ATP2A1: variants seen among roughly 807,000 people sequenced by gnomAD.
ATP2A1 encodes the protein ATPase sarcoplasmic/endoplasmic reticulum Ca2+ transporting 1, also known as sarcoplasmic/endoplasmic reticulum calcium ATPase 1.
Under a neutral mutation model 109.5 loss-of-function variants are expected in ATP2A1, and 83 were observed. The ratio of observed to expected loss-of-function variants is 0.76; its 90% confidence interval spans 0.63 to 0.91. ATP2A1 has a LOEUF of 0.91. Ranked by LOEUF, ATP2A1 falls within the 40% of genes least tolerant of loss-of-function variation. The pLI, the probability that ATP2A1 is intolerant of heterozygous loss-of-function variation, is 0.00. For missense variants in ATP2A1, 1,101 were observed against 1,341.0 expected, an observed-to-expected ratio of 0.82 and a Z score of 2.80; for synonymous variants, 505 against 537.6, an observed-to-expected ratio of 0.94 and a Z score of 0.84.
chr16:28,902,791 A>G lies in ATP2A1; in HGVS notation c.2624A>G (p.Gln875Arg). The change falls in exon 19 of 23, where the codon CAG becomes CGG. Residue 875 changes from glutamine (Q) to arginine (R), a missense_variant. Physicochemically the swap from Gln to Arg is conservative, Grantham distance 43. Coordinates refer to ENST00000395503, the MANE Select transcript of ATP2A1 (RefSeq NM_004320.6). This position sits in a 1 kb window ranked among gnomAD's most constrained non-coding sequence, Gnocchi z 4.8. The part of the protein sequence containing the change: ...VNYSQLTHFM[Q>R]CTEDNTHFEG... ...CCTTCCCTGCAGACTCACTTCATGC[A>G]GTGCACCGAGGACAACACCCACTTT... 9.9e-6 allele frequency: 16 copies of G among 1,613,706 alleles called. No individual in the cohort carries two copies. Among genetic ancestry groups the G allele is most frequent in the Non-Finnish European group, 1.4e-5 (16 of 1,179,858 alleles).
rs147132478 is a variant in ATP2A1 at position 28,898,436 on chromosome 16, G to A, written c.1749G>A (p.Arg583=). The A allele has an allele frequency of 2.5e-6, 4 of 1,612,934 alleles. No individual in the cohort carries two copies. The highest frequency in any genetic ancestry group is 2.7e-5 in the African/African-American group (2 of 74,106). Residue 583 remains arginine (R), a synonymous_variant, in exon 14 of 23, where the codon AGG becomes AGA. Transcript: ENST00000395503. This position sits in a 1 kb window ranked among gnomAD's most constrained non-coding sequence, Gnocchi z 4.0. ...AAATGGTCCTGGATGACTCTGCCAG[G>A]TTCCTGGAGTATGAGGTAAGCAGCT... ...REEMVLDDSA[R]FLEYETDLTF...
chr16:28,887,093 A>G, intron 6 of ATP2A1, 96 bp from the exon 7 acceptor site: 1 of 1,317,474 alleles, frequency 7.6e-7, no homozygotes. Context: ...GGTCCTTACC[A>G]GGAGCTGTCC....
chr16:28,889,501 G>C (rs529406908), intron 9 of ATP2A1, among the ~76,000 whole-genome samples: 25 of 152,246 alleles, frequency 1.6e-4, no homozygotes, highest in African/African-American at 5.8e-4. Flanking sequence ...CAAGTGATGT[G>C]CCCCTGTTCG....
intron 10 of ATP2A1, 70 bp from the exon 11 acceptor site, chr16:28,894,435 C>A: frequency 6.8e-7 from 1 of 1,465,306 alleles, no homozygotes; most frequent in Non-Finnish European, 9.4e-7. Flanking sequence ...TCTTCCTGTG[C>A]CCTCTCTGCA....
At chr16:28,881,046 T>C in intron 4 of ATP2A1, 27 bp downstream of exon 4, 1 of 1,602,822 alleles carries the variant, frequency 6.2e-7, no homozygotes, top group South Asian at 1.1e-5. Context: ...CCTTACCCCT[T>C]CATGTCCCAA....
At chr16:28,889,777 C>T (rs377367217) in intron 9 of ATP2A1, among the ~76,000 whole-genome samples, 2 of 152,198 alleles carry the variant, frequency 1.3e-5, no homozygotes, top group African/African-American at 4.8e-5. Flanking sequence ...AAGCAGGGCT[C>T]TTAATCTTTT....
rs141394193 is a variant in ATP2A1, at chr16:28,900,752, G to C, written c.1936G>C (p.Glu646Gln). The change falls in exon 15 of 23, where the codon GAG becomes CAG. Residue 646 changes from glutamate (E) to glutamine (Q), a missense_variant. Glu to Gln is a conservative substitution (Grantham distance 29, BLOSUM62 2). Transcript: ENST00000395503. ...GCGAATTGGCATCTTTGGGGAGAAC[G>C]AGGAGGTGGCCGATCGCGCCTACAC... ...CRRIGIFGENEEVADRAYTGR... is the reference protein window; with the variant it reads ...CRRIGIFGENQEVADRAYTGR... 6.1e-5 allele frequency: 98 copies of C among 1,614,130 alleles called. No individual in the cohort carries two copies. The highest frequency in any genetic ancestry group is 7.8e-5 in the Non-Finnish European group (92 of 1,180,062).
Position 28,902,794 on chromosome 16 carries a change from G to A in ATP2A1, c.2627G>A (p.Cys876Tyr), listed in dbSNP as rs759275894. ...NYSQLTHFMQ[C>Y]TEDNTHFEGI... ...TCCCTGCAGACTCACTTCATGCAGT[G>A]CACCGAGGACAACACCCACTTTGAG... The change falls in exon 19 of 23, where the codon TGC becomes TAC. Residue 876 changes from cysteine (C) to tyrosine (Y), a missense_variant. By Grantham distance (194) the Cys-to-Tyr change is radical. Transcript: ENST00000395503. This position sits in a 1 kb window ranked among gnomAD's most constrained non-coding sequence, Gnocchi z 4.8. The A allele has an allele frequency of 6.2e-7, 1 of 1,613,688 alleles. No individual in the cohort carries two copies. Among genetic ancestry groups the A allele is most frequent in the Admixed American group, 1.7e-5 (1 of 59,972 alleles).
chr16:28,903,447 A>T lies in ATP2A1; in HGVS notation c.2980+7A>T, dbSNP rs1964150655. The T allele has an allele frequency of 6.2e-7, 1 of 1,605,868 alleles. No homozygotes were observed. Among genetic ancestry groups the T allele is most frequent in the South Asian group, 1.1e-5 (1 of 90,946 alleles). On this transcript the variant is annotated splice_region_variant and intron_variant, in intron 21 of 22. Coordinates refer to ENST00000395503, the MANE Select transcript of ATP2A1 (RefSeq NM_004320.6). This position sits in a 1 kb window ranked among gnomAD's most constrained non-coding sequence, Gnocchi z 5.6. ...GCTCGGAACTACCTAGAGGGTAAGGAGTGCCCTCTCTGTCCCAAGCCCTGG... is the reference window on the plus strand; with the variant it reads ...GCTCGGAACTACCTAGAGGGTAAGGTGTGCCCTCTCTGTCCCAAGCCCTGG...
rs1567493098 is a variant in ATP2A1, at chr16:28,903,812, C to T, written c.*37+71C>T. The T allele has an allele frequency of 9.4e-6, 13 of 1,385,402 alleles. No individual in the cohort carries two copies. The highest frequency in any genetic ancestry group is 9.1e-5 in the East Asian group (4 of 43,816). 85.8% of individuals were successfully genotyped at this position (1,385,402 alleles called of 1,614,324 possible). Reference sequence around the variant, plus strand: ...ACCCGCGCCCCCTCAGCCCCTTGCGCGTCGCATCCAAGGTCACTTGTGCTC... The same window carrying T: ...ACCCGCGCCCCCTCAGCCCCTTGCGTGTCGCATCCAAGGTCACTTGTGCTC... On this transcript the variant is annotated intron_variant, in intron 22 of 22. Transcript: ENST00000395503. The surrounding 1 kb of genome is among the most constrained non-coding windows in gnomAD (Gnocchi z 5.6).
At position 28,883,037 on chromosome 16, in the gene ATP2A1, G is replaced by C. The variant is rs560290177; in HGVS notation, c.463+448G>C. ...AAGGGAGGAGGGAGGCCGAAGGCTC[G>C]AGCCCCCGACCATGTAAGGGAAACT... On this transcript the variant is annotated intron_variant, in intron 5 of 22. Coordinates refer to ENST00000395503, the MANE Select transcript of ATP2A1 (RefSeq NM_004320.6). This position sits in a 1 kb window ranked among gnomAD's most constrained non-coding sequence, Gnocchi z 5.2. 1.3e-5 allele frequency among the ~76,000 whole-genome samples: 2 copies of C among 152,292 alleles called. No individual in the cohort carries two copies. The highest frequency in any genetic ancestry group is 4.8e-5 in the African/African-American group (2 of 41,558).
chr16:28,900,893 T>G lies in ATP2A1; in HGVS notation c.2077T>G (p.Ser693Ala), dbSNP rs563510255. The change falls in exon 15 of 23, where the codon TCC (serine) becomes GCC (alanine). Residue 693 changes from serine (S) to alanine (A), a missense_variant. Coordinates refer to ENST00000395503, the MANE Select transcript of ATP2A1 (RefSeq NM_004320.6). Reference sequence around the variant, plus strand: ...GTCCAAGATTGTGGAGTACCTGCAGTCCTACGATGAGATCACAGCCATGGT... The same window carrying G: ...GTCCAAGATTGTGGAGTACCTGCAGGCCTACGATGAGATCACAGCCATGGT... ...HKSKIVEYLQ[S>A]YDEITAMTGD... The G allele has an allele frequency of 1.1e-5, 17 of 1,614,124 alleles. No individual in the cohort carries two copies. The highest frequency in any genetic ancestry group is 1.6e-4 in the Middle Eastern group (1 of 6,062).
In ATP2A1 at chr16:28,903,712, CCCT is replaced by C. The variant is rs200277301; in HGVS notation, c.*14_*16del. On this transcript the variant is annotated 3_prime_UTR_variant, in exon 22 of 23. Transcript: ENST00000395503. The surrounding 1 kb of genome is among the most constrained non-coding windows in gnomAD (Gnocchi z 5.6). ...TCTCTGGCCATAGGATAACTGTTCC[CCCT>C]CCTCCATCTCTGAGCCCGTGTCACA... The C allele has an allele frequency of 2.1e-3, 3,419 of 1,613,798 alleles. 45 individuals are homozygous for C. In the African/African-American group the frequency reaches 0.036, roughly 17 times the overall value.
At position 28,891,247 on chromosome 16, in the gene ATP2A1, G is replaced by A. The variant is rs143386621; in HGVS notation, c.1095+2294G>A. 3.3e-4 allele frequency among the ~76,000 whole-genome samples: 50 copies of A among 151,418 alleles called. No individual in the cohort carries two copies. The South Asian group carries it at 9.8e-3, about 30-fold the overall frequency. On this transcript the variant is annotated intron_variant, in intron 9 of 22. Transcript: ENST00000395503. Reference sequence around the variant, plus strand: ...GGAGGTGGAGGTTGCAGTGAGCTGAGATTGCGCCATTGCACCCCAGCCTAG... The same window carrying A: ...GGAGGTGGAGGTTGCAGTGAGCTGAAATTGCGCCATTGCACCCCAGCCTAG...
In ATP2A1 at chr16:28,898,428, T is replaced by C. The variant is rs1963978308; in HGVS notation, c.1741T>C (p.Ser581Pro). The C allele has an allele frequency of 1.2e-6, 2 of 1,613,702 alleles. No homozygotes were observed. Among genetic ancestry groups the C allele is most frequent in the Admixed American group, 1.7e-5 (1 of 60,012 alleles). ...PKREEMVLDD[S>P]ARFLEYETDL... ...GCGAGAGGAAATGGTCCTGGATGAC[T>C]CTGCCAGGTTCCTGGAGTATGAGGT... The change falls in exon 14 of 23, where the codon TCT (serine) becomes CCT (proline). Residue 581 changes from serine to proline, a missense_variant. Coordinates refer to ENST00000395503, the MANE Select transcript of ATP2A1 (RefSeq NM_004320.6). This position sits in a 1 kb window ranked among gnomAD's most constrained non-coding sequence, Gnocchi z 4.0.
At chr16:28,887,798 T>C in intron 8 of ATP2A1, 76 bp downstream of exon 8, 2 of 1,553,490 alleles carry the variant, frequency 1.3e-6, no homozygotes, top group South Asian at 2.3e-5. Flanking sequence ...TTTTCTTTTC[T>C]TTTTTTCTTT....
At chr16:28,881,567 G>A (rs775520607) in intron 4 of ATP2A1, 2 of 196,294 alleles carry the variant, frequency 1.0e-5, no homozygotes, top group Non-Finnish European at 2.1e-5. Context: ...TTGGGAGGCC[G>A]AGGCGGGTGG....
At chr16:28,889,898 CT>C (rs1222922433) in intron 9 of ATP2A1, among the ~76,000 whole-genome samples, 1 of 152,186 alleles carries the variant, frequency 6.6e-6, no homozygotes, top group Admixed American at 6.5e-5. Flanking sequence ...AATCCCAACA[CT>C]TTGGGAGGCC....
At position 28,888,821 on chromosome 16, in the gene ATP2A1, G is replaced by C. The variant is rs1218582887; in HGVS notation, c.963G>C (p.Leu321=). The change falls in exon 9 of 23, where the codon CTG becomes CTC. Residue 321 remains leucine, a synonymous_variant. Coordinates refer to ENST00000395503, the MANE Select transcript of ATP2A1 (RefSeq NM_004320.6). The stretch of plus-strand genomic sequence containing the variant: ...CAGTCATCACCACCTGCCTGGCCCT[G>C]GGTACCCGTCGGATGGCAAAGAAGA... ...LPAVITTCLA[L]GTRRMAKKNA... is the part of the protein sequence containing the mutation. The C allele has an allele frequency of 5.6e-6, 9 of 1,613,842 alleles. No individual in the cohort carries two copies. Among genetic ancestry groups the C allele is most frequent in the Non-Finnish European group, 7.6e-6 (9 of 1,179,920 alleles).
Sources: gnomAD v4.1 joint callset for allele counts (sites outside exome capture counted in the v4.1 genomes callset) on GRCh38, gnomAD v4.1.1 for gene constraint, Gnocchi (gnomAD v3.1) non-coding constraint, MANE v1.5 for transcripts, NCBI Gene and HGNC (gene_info 2026-07-23, HGNC 2026-07-21) for gene names.